KCNIP4: variants seen among roughly 807,000 people sequenced by gnomAD.
The protein encoded by KCNIP4 is Kv channel-interacting protein 4.
KCNIP4 carries 12 observed loss-of-function variants against 34.0 expected under a neutral mutation model. That is an observed-to-expected ratio of 0.35 (90% CI 0.23 to 0.57). KCNIP4 has a LOEUF of 0.57. KCNIP4 is among the 20% of genes least tolerant of loss of function. The pLI, the probability that KCNIP4 is intolerant of heterozygous loss-of-function variation, is 0.83. For synonymous variants in KCNIP4, 124 were observed against 102.2 expected, an observed-to-expected ratio of 1.21 and a Z score of -1.29; for missense variants, 238 against 311.7, an observed-to-expected ratio of 0.76 and a Z score of 1.78.
At chr4:21,078,659 C>T (rs1346974168) in intron 1 of KCNIP4, among the ~76,000 whole-genome samples, 2 of 151,940 alleles carry the variant, frequency 1.3e-5, no homozygotes, top group African/African-American at 2.4e-5. Context: ...TTGAGAAGAA[C>T]AATACAAGAA....
intron 1 of KCNIP4, among the ~76,000 whole-genome samples, chr4:21,294,371 C>A (rs960393636): frequency 3.3e-5 from 5 of 152,164 alleles, no homozygotes; most frequent in African/African-American, 1.2e-4. Context: ...CCCAGCCTCA[C>A]TACAACTGTG....
intron 2 of KCNIP4, among the ~76,000 whole-genome samples, chr4:20,858,323 T>G (rs1721835804): frequency 6.6e-6 from 1 of 151,560 alleles, no homozygotes; most frequent in Non-Finnish European, 1.5e-5. Context: ...AGCTGGTACC[T>G]TGACCTTGAA....
chr4:20,953,776 T>C (rs1197210409), intron 1 of KCNIP4, among the ~76,000 whole-genome samples: 1 of 152,198 alleles, frequency 6.6e-6, no homozygotes, highest in African/African-American at 2.4e-5. Context: ...AACATGCTCA[T>C]TCTCACCTTA....
At chr4:21,375,803 G>A (rs188804780) in intron 1 of KCNIP4, among the ~76,000 whole-genome samples, 99 of 152,038 alleles carry the variant, frequency 6.5e-4, no homozygotes, top group Non-Finnish European at 1.0e-3. Flanking sequence ...TCCTGACCTC[G>A]TGATTGGCCC....
At chr4:21,858,487 A>G (rs771509881) in intron 1 of KCNIP4, among the ~76,000 whole-genome samples, 3 of 152,214 alleles carry the variant, frequency 2.0e-5, no homozygotes, top group Non-Finnish European at 4.4e-5. Context: ...TTAAAACTCT[A>G]GTGGCCCAAT....
At chr4:21,016,321 C>T (rs1278836969) in intron 1 of KCNIP4, among the ~76,000 whole-genome samples, 4 of 146,104 alleles carry the variant, frequency 2.7e-5, no homozygotes, top group East Asian at 4.0e-4. Flanking sequence ...TTTTTTGAGA[C>T]GGAGTCTAGC....
chr4:21,234,472 T>A (rs577621398), intron 1 of KCNIP4, among the ~76,000 whole-genome samples: 3 of 123,246 alleles, frequency 2.4e-5, no homozygotes, highest in South Asian at 2.4e-4. Flanking sequence ...GTATATAATA[T>A]ATAGTACATA....
At chr4:21,600,789 A>G (rs1336665507) in intron 1 of KCNIP4, among the ~76,000 whole-genome samples, 1 of 151,970 alleles carries the variant, frequency 6.6e-6, no homozygotes, top group Non-Finnish European at 1.5e-5. Context: ...CCCATGTTGT[A>G]TTTCATTTCC....
intron 1 of KCNIP4, among the ~76,000 whole-genome samples, chr4:21,748,408 T>G (rs1394050678): frequency 6.6e-6 from 1 of 152,170 alleles, no homozygotes; most frequent in Non-Finnish European, 1.5e-5. Context: ...TTTGATAAGG[T>G]GTAGACAGAA....
intron 1 of KCNIP4, among the ~76,000 whole-genome samples, chr4:21,645,751 A>T (rs1003145600): frequency 6.6e-6 from 1 of 152,154 alleles, no homozygotes; most frequent in African/African-American, 2.4e-5. Flanking sequence ...GATGGGCTGT[A>T]TGAGTGGCAA....
intron 3 of KCNIP4, among the ~76,000 whole-genome samples, chr4:20,834,798 G>A (rs1335631577): frequency 1.3e-5 from 2 of 152,174 alleles, no homozygotes; most frequent in African/African-American, 4.8e-5. Context: ...CCAGAATTTG[G>A]TTATTTCTCT....
At chr4:21,311,230 G>A (rs987578496) in intron 1 of KCNIP4, among the ~76,000 whole-genome samples, 1 of 152,062 alleles carries the variant, frequency 6.6e-6, no homozygotes, top group Non-Finnish European at 1.5e-5. Flanking sequence ...AATGAACCAA[G>A]TACTATTATT....
chr4:20,733,619 TTGAGA>T (rs1748884831), intron 6 of KCNIP4, among the ~76,000 whole-genome samples: 1 of 152,188 alleles, frequency 6.6e-6, no homozygotes, highest in Non-Finnish European at 1.5e-5. Flanking sequence ...GGCAGAATTC[TTGAGA>T]TGTGTTAAAC....
intron 1 of KCNIP4, among the ~76,000 whole-genome samples, chr4:21,887,194 C>A (rs1726823347): frequency 6.6e-6 from 1 of 152,000 alleles, no homozygotes; most frequent in African/African-American, 2.4e-5. Flanking sequence ...AACAAAAGTA[C>A]CACAGATGAG....
chr4:20,861,557 A>G (rs1446906942), intron 2 of KCNIP4, among the ~76,000 whole-genome samples: 3 of 152,212 alleles, frequency 2.0e-5, no homozygotes, highest in Admixed American at 6.5e-5. Flanking sequence ...AAAATACAAA[A>G]ACAAACACCA....
chr4:21,496,985 T>C lies in KCNIP4; in HGVS notation c.61+451586A>G, dbSNP rs542681651. Among the ~76,000 whole-genome samples, 463 of 152,284 alleles carry C rather than the reference T, an allele frequency of 3.0e-3. 3 individuals carry two copies. Among genetic ancestry groups the C allele is most frequent in the African/African-American group, 0.011 (441 of 41,552 alleles). Reference sequence around the variant, plus strand: ...GCTGGCTTACAGGATAAAGTCCAGTTTCTCTCTAAGGGGCATGTGGAGGGG... The same window carrying C: ...GCTGGCTTACAGGATAAAGTCCAGTCTCTCTCTAAGGGGCATGTGGAGGGG... On this transcript the variant is annotated intron_variant, in intron 1 of 8. Transcript: ENST00000382152.
At chr4:20,761,254 A>G (rs979312891) in intron 3 of KCNIP4, among the ~76,000 whole-genome samples, 2 of 152,178 alleles carry the variant, frequency 1.3e-5, no homozygotes, top group Non-Finnish European at 1.5e-5. Context: ...CAAGCTGGCC[A>G]AGGCTCCACA....
chr4:21,608,505 C>T (rs1743889329), intron 1 of KCNIP4, among the ~76,000 whole-genome samples: 2 of 152,156 alleles, frequency 1.3e-5, no homozygotes, highest in African/African-American at 4.8e-5. Flanking sequence ...TCAATGGTGG[C>T]CGAGTCCTTC....
chr4:21,490,519 C>T (rs1185015410), intron 1 of KCNIP4, among the ~76,000 whole-genome samples: 1 of 151,998 alleles, frequency 6.6e-6, no homozygotes, highest in Non-Finnish European at 1.5e-5. Flanking sequence ...CAAACAACCA[C>T]CAACAAAAAC....
Sources: gnomAD v4.1 joint callset for allele counts (sites outside exome capture counted in the v4.1 genomes callset) on GRCh38, gnomAD v4.1.1 for gene constraint, MANE v1.5 for transcripts, NCBI Gene and HGNC (gene_info 2026-07-23, HGNC 2026-07-21) for gene names.